COL23A1: variants seen among roughly 807,000 people sequenced by gnomAD.
The protein encoded by COL23A1 is collagen alpha-1(XXIII) chain.
In COL23A1, 97 loss-of-function variants were observed where a neutral mutation model predicts 99.3. The ratio of observed to expected loss-of-function variants is 0.98; its 90% CI spans 0.83 to 1.16. The LOEUF is 1.16. COL23A1 is among the 50% of genes most tolerant of loss of function. The pLI is 0.00. For missense variants in COL23A1, 762 were observed against 757.4 expected, an observed-to-expected ratio of 1.01 and a Z score of -0.07; for synonymous variants, 320 against 308.2, an observed-to-expected ratio of 1.04 and a Z score of -0.40.
At chr5:178,525,763 C>T (rs1760269160) in intron 2 of COL23A1, among the ~76,000 whole-genome samples, 1 of 152,332 alleles carries the variant, frequency 6.6e-6, no homozygotes, top group South Asian at 2.1e-4. Flanking sequence ...ACACTCAGTG[C>T]AAAATGGAAA....
chr5:178,321,480 CTTTTTTTTTTTTTTTT>C (rs570803192), intron 2 of COL23A1, among the ~76,000 whole-genome samples: 2 of 109,026 alleles, frequency 1.8e-5, no homozygotes, highest in Middle Eastern at 5.8e-3. Flanking sequence ...GTCACCTTCC[CTTTTTTTTTTTTTTTT>C]TTTTTTTTTT....
chr5:178,255,009 C>G lies in COL23A1; in HGVS notation c.900G>C (p.Lys300Asn). ...TCACCACTGTGTCTCCCTGCTCGCC[C>G]TTGAGGCCTGGGGCACCCTGAGGCA... is the stretch of plus-strand genomic sequence containing the variant. ...AAGPRGAPGLKGEQGDTVVID... is the reference protein window; with the variant it reads ...AAGPRGAPGLNGEQGDTVVID... Residue 300 changes from lysine (K) to asparagine (N), a missense_variant, in exon 16 of 29, where the codon AAG becomes AAC. Lys to Asn is a moderately conservative substitution (Grantham distance 94). Transcript: ENST00000390654. The surrounding 1 kb of genome is among the most constrained non-coding windows in gnomAD (Gnocchi z 4.2). 6.2e-7 allele frequency: 1 copy of G among 1,613,638 alleles called. No homozygotes were observed. The highest frequency in any genetic ancestry group is 8.5e-7 in the Non-Finnish European group (1 of 1,179,728).
intron 18 of COL23A1, among the ~76,000 whole-genome samples, chr5:178,249,716 A>ACACACACACTCACTCTCT: frequency 5.1e-4 from 47 of 92,804 alleles, no homozygotes; most frequent in African/African-American, 9.4e-4. Flanking sequence ...ACACACACAC[A>ACACACACACTCACTCTCT]CTCTCTCTCT....
At chr5:178,519,364 G>A (rs902958920) in intron 2 of COL23A1, among the ~76,000 whole-genome samples, 1 of 152,212 alleles carries the variant, frequency 6.6e-6, no homozygotes, top group Non-Finnish European at 1.5e-5. Context: ...GGGGTGTGCA[G>A]ACTCACAAGT....
chr5:178,353,846 A>G (rs887587585), intron 2 of COL23A1, among the ~76,000 whole-genome samples: 18 of 152,132 alleles, frequency 1.2e-4, no homozygotes, highest in Non-Finnish European at 2.5e-4. Flanking sequence ...TTCAAAAAAA[A>G]CTAGGACATT....
rs547410279 is a variant in COL23A1, at chr5:178,544,651, T to G, written c.361+16031A>C. 6.6e-3 allele frequency among the ~76,000 whole-genome samples: 1,009 copies of G among 152,160 alleles called. 13 individuals are homozygous for G. The highest frequency in any genetic ancestry group is 0.023 in the African/African-American group (940 of 41,530). ...TCTATCCCCACTGTGAGACGGGCGG[T>G]GCCACAAATGGGAGGTGACGATCAG... On this transcript the variant is annotated intron_variant, in intron 2 of 28. Transcript: ENST00000390654. This position sits in a 1 kb window ranked among gnomAD's most constrained non-coding sequence, Gnocchi z 4.4.
At chr5:178,450,570 G>A (rs959137210) in intron 2 of COL23A1, among the ~76,000 whole-genome samples, 3 of 152,184 alleles carry the variant, frequency 2.0e-5, no homozygotes, top group East Asian at 1.9e-4. Context: ...GTGCTGTTAC[G>A]AAAGAGGAAA....
chr5:178,416,853 G>A (rs1765339397), intron 2 of COL23A1, among the ~76,000 whole-genome samples: 1 of 145,764 alleles, frequency 6.9e-6, no homozygotes, highest in African/African-American at 2.5e-5. Context: ...ATAGCAGGGA[G>A]GAGCTGAGGG....
rs1186541524 is a variant in COL23A1, at chr5:178,239,586, C to T, written c.1582-407G>A. Reference sequence around the variant, plus strand: ...CTGCCGAGAGCCGTGTGGCTTCCTGCCTGATGTGACACTGACTCTGGCCTG... The same window carrying T: ...CTGCCGAGAGCCGTGTGGCTTCCTGTCTGATGTGACACTGACTCTGGCCTG... On this transcript the variant is annotated intron_variant, in intron 27 of 28. Coordinates refer to ENST00000390654, the MANE Select transcript of COL23A1 (RefSeq NM_173465.4). Among the ~76,000 whole-genome samples, 105 of 118,474 alleles carry T rather than the reference C, an allele frequency of 8.9e-4. 1 individual carries two copies. Among genetic ancestry groups the T allele is most frequent in the African/African-American group, 2.2e-3 (70 of 31,672 alleles). 77.7% of individuals were successfully genotyped at this position (118,474 alleles called of 152,430 possible).
At chr5:178,409,575 C>T (rs923900761) in intron 2 of COL23A1, among the ~76,000 whole-genome samples, 2 of 152,142 alleles carry the variant, frequency 1.3e-5, no homozygotes, top group African/African-American at 4.8e-5. Context: ...TCAGATGCAA[C>T]TATTGAGGAA....
At chr5:178,437,840 C>T (rs529189163) in intron 2 of COL23A1, among the ~76,000 whole-genome samples, 7 of 152,074 alleles carry the variant, frequency 4.6e-5, no homozygotes, top group South Asian at 2.1e-4. Flanking sequence ...GCTTGTGGGA[C>T]GGGACCCAGG....
At chr5:178,527,591 G>T (rs942222312) in intron 2 of COL23A1, among the ~76,000 whole-genome samples, 1 of 152,196 alleles carries the variant, frequency 6.6e-6, no homozygotes, top group African/African-American at 2.4e-5. Flanking sequence ...CTCATGACTC[G>T]GTTACCAACG....
chr5:178,302,141 C>CTG (rs1758089295), intron 3 of COL23A1, among the ~76,000 whole-genome samples: 2 of 114,924 alleles, frequency 1.7e-5, no homozygotes, highest in South Asian at 2.7e-4. Context: ...CGGCTTCAAT[C>CTG]CACCTGTGTG....
At chr5:178,500,331 T>G (rs1010469399) in intron 2 of COL23A1, among the ~76,000 whole-genome samples, 3 of 139,292 alleles carry the variant, frequency 2.2e-5, no homozygotes, top group African/African-American at 5.4e-5. Flanking sequence ...CTTGGGCCTA[T>G]AATCTCAACA....
intron 1 of COL23A1, among the ~76,000 whole-genome samples, chr5:178,566,072 G>A (rs1472133143): frequency 6.6e-6 from 1 of 152,104 alleles, no homozygotes. Flanking sequence ...AGGTTGCAGT[G>A]AGTGAGAGCA....
At position 178,590,122 on chromosome 5, in the gene COL23A1, G is replaced by A; in HGVS notation, c.76C>T (p.Arg26Cys). 3 of 1,239,826 alleles carry A rather than the reference G, an allele frequency of 2.4e-6. No homozygotes were observed. The highest frequency in any genetic ancestry group is 3.0e-6 in the Non-Finnish European group (3 of 994,618). 76.8% of individuals were successfully genotyped at this position (1,239,826 alleles called of 1,614,324 possible). ...CGGGACCCGGCCGTCGTCGCCGAGC[G>A]CCCTCCGCCGCCGCCGCCCGCCGCA... ...GNAAGGGGGG[R>C]SATTAGSRAV... is the part of the protein sequence containing the mutation. Residue 26 changes from arginine to cysteine, a missense_variant, in exon 1 of 29, where the codon CGC becomes TGC. Coordinates refer to ENST00000390654, the MANE Select transcript of COL23A1 (RefSeq NM_173465.4). This position sits in a 1 kb window ranked among gnomAD's most constrained non-coding sequence, Gnocchi z 5.7.
Position 178,248,398 on chromosome 5 carries a change from C to T in COL23A1, c.1150-144G>A, listed in dbSNP as rs1265885219. 8.3e-6 allele frequency: 5 copies of T among 603,158 alleles called. No homozygotes were observed. The East Asian group carries it at 9.0e-5, about 11-fold the overall frequency. 37.4% of individuals were successfully genotyped at this position (603,158 alleles called of 1,614,324 possible). Reference sequence around the variant, plus strand: ...TGTTGCAACTGAAAAGTTTTCCCTACATCCATGTGCCACGCCCCGGGTGGT... The same window carrying T: ...TGTTGCAACTGAAAAGTTTTCCCTATATCCATGTGCCACGCCCCGGGTGGT... On this transcript the variant is annotated intron_variant, in intron 19 of 28. Coordinates refer to ENST00000390654, the MANE Select transcript of COL23A1 (RefSeq NM_173465.4).
At chr5:178,419,042 T>C (rs755143138) in intron 2 of COL23A1, among the ~76,000 whole-genome samples, 8 of 152,202 alleles carry the variant, frequency 5.3e-5, no homozygotes, top group South Asian at 2.1e-4. Flanking sequence ...ACTTGTGGAA[T>C]GAACGCAGCA....
At chr5:178,517,133 C>A (rs1330502528) in intron 2 of COL23A1, among the ~76,000 whole-genome samples, 2 of 152,220 alleles carry the variant, frequency 1.3e-5, no homozygotes, top group Non-Finnish European at 2.9e-5. Flanking sequence ...CCCAGCAAGG[C>A]ATGGTGAGCC....
Sources: gnomAD v4.1 joint callset for allele counts (sites outside exome capture counted in the v4.1 genomes callset) on GRCh38, gnomAD v4.1.1 for gene constraint, Gnocchi (gnomAD v3.1) non-coding constraint, MANE v1.5 for transcripts, NCBI Gene and HGNC (gene_info 2026-07-23, HGNC 2026-07-21) for gene names.